The following KAZN variants were observed in gnomAD, a reference collection of about 807,000 sequenced individuals.
KAZN encodes kazrin, periplakin interacting protein.
Under a neutral mutation model 87.4 loss-of-function variants are expected in KAZN, and 40 were observed. The ratio of observed to expected loss-of-function variants is 0.46; its 90% CI spans 0.36 to 0.60. KAZN has a LOEUF of 0.60. Among genes scored for constraint, KAZN ranks in the 20% least tolerant of loss-of-function variants. KAZN has a pLI of 0.00. For synonymous variants in KAZN, 466 were observed against 458.3 expected (o/e 1.02, Z -0.22); for missense variants, 898 against 1,073.9 (o/e 0.84, Z 2.29).
intron 2 of KAZN, among the ~76,000 whole-genome samples, chr1:14,203,598 T>A (rs542424999): frequency 6.6e-6 from 1 of 152,298 alleles, no homozygotes; most frequent in East Asian, 1.9e-4. Flanking sequence ...ATCCCTCGAT[T>A]TGACAAAGTA....
chr1:14,231,887 A>C (rs1363701933), intron 2 of KAZN, among the ~76,000 whole-genome samples: 1 of 152,154 alleles, frequency 6.6e-6, no homozygotes, highest in African/African-American at 2.4e-5. Context: ...TGACTCAGGG[A>C]TCCAGGCTCC....
At chr1:14,688,920 G>A (rs564936683) in intron 1 of KAZN, among the ~76,000 whole-genome samples, 26 of 152,252 alleles carry the variant, frequency 1.7e-4, no homozygotes, top group Non-Finnish European at 2.6e-4. Context: ...AAGGCTGGGC[G>A]CGGTGGCTCA....
At chr1:14,373,056 C>T (rs780269109) in intron 2 of KAZN, among the ~76,000 whole-genome samples, 1 of 151,948 alleles carries the variant, frequency 6.6e-6, no homozygotes, top group African/African-American at 2.4e-5. Flanking sequence ...GAGGTTGCCA[C>T]GTGACCAGCT....
chr1:14,161,035 T>C (rs1008490531), intron 1 of KAZN, among the ~76,000 whole-genome samples: 5 of 152,218 alleles, frequency 3.3e-5, no homozygotes, highest in Non-Finnish European at 7.3e-5. Flanking sequence ...ACCGTCTCTC[T>C]TTACTCTGGA....
chr1:14,486,173 C>A (rs1425293030), intron 2 of KAZN, among the ~76,000 whole-genome samples: 1 of 152,014 alleles, frequency 6.6e-6, no homozygotes, highest in Non-Finnish European at 1.5e-5. Context: ...TGCCCCAAGA[C>A]CTTAATATTT....
intron 1 of KAZN, among the ~76,000 whole-genome samples, chr1:14,102,323 G>A (rs937804575): frequency 6.6e-6 from 1 of 152,118 alleles, no homozygotes; most frequent in African/African-American, 2.4e-5. Context: ...GAAAAAAATG[G>A]GTGATCCTAG....
At chr1:14,132,043 T>A (rs1406921943) in intron 1 of KAZN, among the ~76,000 whole-genome samples, 1 of 152,100 alleles carries the variant, frequency 6.6e-6, no homozygotes, top group African/African-American at 2.4e-5. Context: ...ATGTGGAAGG[T>A]GAGCCCAGGG....
At chr1:14,787,925 C>T (rs1332075571) in intron 1 of KAZN, among the ~76,000 whole-genome samples, 3 of 152,194 alleles carry the variant, frequency 2.0e-5, no homozygotes, top group Admixed American at 6.5e-5. Flanking sequence ...TTCGAAAGAT[C>T]AGTCAGACTT....
chr1:14,297,114 C>T (rs936409341), intron 2 of KAZN, among the ~76,000 whole-genome samples: 1 of 152,064 alleles, frequency 6.6e-6, no homozygotes, highest in Admixed American at 6.6e-5. Context: ...AAAACCTGGG[C>T]TTACATAGAG....
At chr1:15,000,515 G>C (rs1268561578) in intron 2 of KAZN, among the ~76,000 whole-genome samples, 1 of 151,826 alleles carries the variant, frequency 6.6e-6, no homozygotes, top group African/African-American at 2.4e-5. Flanking sequence ...CACCTCGGGG[G>C]GTACAGAGGG....
chr1:14,514,584 T>TGAAATATATA, intron 2 of KAZN, among the ~76,000 whole-genome samples: 1 of 32,076 alleles, frequency 3.1e-5, no homozygotes, highest in Non-Finnish European at 6.1e-5. Flanking sequence ...TTTTATATAT[T>TGAAATATATA]TTTTTATATT....
chr1:14,871,649 AGTGTGTGTGTGTGT>A (rs3033520), intron 1 of KAZN, among the ~76,000 whole-genome samples: 1 of 144,550 alleles, frequency 6.9e-6, no homozygotes. Flanking sequence ...CATGAGCAGC[AGTGTGTGTGTGTGT>A]GTGTGTGTGT....
At chr1:14,586,208 A>G (rs1675836838) in intron 2 of KAZN, among the ~76,000 whole-genome samples, 1 of 152,254 alleles carries the variant, frequency 6.6e-6, no homozygotes, top group Non-Finnish European at 1.5e-5. Flanking sequence ...AATGCTTCCT[A>G]GTGGAGGTTT....
intron 2 of KAZN, among the ~76,000 whole-genome samples, chr1:14,369,442 T>G (rs921515757): frequency 1.3e-5 from 2 of 152,168 alleles, no homozygotes; most frequent in East Asian, 3.9e-4. Context: ...CTGAAGCTAG[T>G]CCGCTTCAAA....
intron 2 of KAZN, among the ~76,000 whole-genome samples, chr1:14,266,724 T>A (rs904715295): frequency 1.7e-4 from 26 of 152,104 alleles, no homozygotes; most frequent in Admixed American, 1.2e-3. Flanking sequence ...CCCCCCACAC[T>A]CACACTGGGA....
chr1:14,729,674 T>C (rs1486146322), intron 1 of KAZN, among the ~76,000 whole-genome samples: 9 of 152,146 alleles, frequency 5.9e-5, no homozygotes, highest in Admixed American at 3.9e-4. Flanking sequence ...GGTATTTTCC[T>C]TTGTAGCAGT....
intron 1 of KAZN, among the ~76,000 whole-genome samples, chr1:14,941,623 G>A (rs1661091899): frequency 1.3e-5 from 2 of 152,158 alleles, no homozygotes; most frequent in African/African-American, 2.4e-5. Flanking sequence ...TTCTGCAGGT[G>A]TACATGCAGA....
intron 1 of KAZN, among the ~76,000 whole-genome samples, chr1:14,766,634 T>A (rs1644891770): frequency 6.8e-6 from 1 of 147,650 alleles, no homozygotes; most frequent in Admixed American, 6.8e-5. Context: ...CTGGGCGGTG[T>A]GTGGGAAGAC....
intron 2 of KAZN, among the ~76,000 whole-genome samples, chr1:14,396,497 G>C (rs1285952344): frequency 6.6e-6 from 1 of 152,130 alleles, no homozygotes; most frequent in Non-Finnish European, 1.5e-5. Flanking sequence ...CTGGAGCATT[G>C]GCAATGCCCA....
Sources: gnomAD v4.1 joint callset for allele counts (sites outside exome capture counted in the v4.1 genomes callset) on GRCh38, gnomAD v4.1.1 for gene constraint, MANE v1.5 for transcripts, NCBI Gene and HGNC (gene_info 2026-07-23, HGNC 2026-07-21) for gene names.